Variants in PRKAR2A observed in about 807,000 individuals in gnomAD.
PRKAR2A encodes protein kinase cAMP-dependent type II regulatory subunit alpha, also known as cAMP-dependent protein kinase type II-alpha regulatory subunit.
PRKAR2A carries 29 observed loss-of-function variants against 51.9 expected under a neutral mutation model. The ratio of observed to expected loss-of-function variants is 0.56; its 90% confidence interval spans 0.42 to 0.76. PRKAR2A has a LOEUF of 0.76. Ranked by LOEUF, PRKAR2A falls within the 30% of genes least tolerant of loss-of-function variation. The probability of loss-of-function intolerance (pLI) is 0.00; values close to 1 mark genes in which losing one functional copy is unlikely to be tolerated. For synonymous variants in PRKAR2A, 178 were observed against 186.2 expected, an observed-to-expected ratio of 0.96 and a Z score of 0.36; for missense variants, 445 against 512.1, an observed-to-expected ratio of 0.87 and a Z score of 1.26.
chr3:48,813,680 C>G (rs546149558), intron 1 of PRKAR2A, among the ~76,000 whole-genome samples: 28 of 151,764 alleles, frequency 1.8e-4, no homozygotes. Flanking sequence ...GGCAACAGAG[C>G]GAGACTCCAT....
At chr3:48,830,492 T>C (rs1292325664) in intron 1 of PRKAR2A, among the ~76,000 whole-genome samples, 1 of 152,152 alleles carries the variant, frequency 6.6e-6, no homozygotes, top group Non-Finnish European at 1.5e-5. Context: ...TAAATAATGA[T>C]TAAAAGTACA....
chr3:48,806,403 C>T (rs188728863), intron 2 of PRKAR2A, among the ~76,000 whole-genome samples: 1 of 152,064 alleles, frequency 6.6e-6, no homozygotes, highest in East Asian at 1.9e-4. Flanking sequence ...AAGTCAAACA[C>T]TTTAAGAAAA....
chr3:48,760,258 G>A (rs1203017313), intron 8 of PRKAR2A, among the ~76,000 whole-genome samples: 2 of 152,176 alleles, frequency 1.3e-5, no homozygotes, highest in Non-Finnish European at 2.9e-5. Context: ...TCGGGAGGCT[G>A]AGGCAGAAGA....
chr3:48,799,895 T>A (rs1249793035), intron 2 of PRKAR2A, among the ~76,000 whole-genome samples: 1 of 152,190 alleles, frequency 6.6e-6, no homozygotes, highest in East Asian at 1.9e-4. Context: ...AGTCTCACTC[T>A]GTTGCCCAGG....
chr3:48,833,145 C>T (rs907959407), intron 1 of PRKAR2A, among the ~76,000 whole-genome samples: 1 of 152,192 alleles, frequency 6.6e-6, no homozygotes, highest in South Asian at 2.1e-4. Context: ...AAAGAATCCT[C>T]CTTCCTCAGC....
chr3:48,835,332 T>C (rs1197973076), intron 1 of PRKAR2A, among the ~76,000 whole-genome samples: 2 of 151,410 alleles, frequency 1.3e-5, no homozygotes, highest in Non-Finnish European at 2.9e-5. Flanking sequence ...CGAAACCCTA[T>C]CTCTACTGAA....
chr3:48,755,968 G>C (rs767252859), intron 9 of PRKAR2A, among the ~76,000 whole-genome samples: 26 of 151,822 alleles, frequency 1.7e-4, no homozygotes, highest in Non-Finnish European at 3.4e-4. Flanking sequence ...TTTCAGTAGA[G>C]ACAGGGTTTC....
At position 48,749,813 on chromosome 3, in the gene PRKAR2A, G is replaced by A. The variant is rs1261963463; in HGVS notation, c.*1772C>T. 6.6e-6 allele frequency: 1 copy of A among 152,018 alleles called. No homozygotes were observed. The highest frequency in any genetic ancestry group is 1.5e-5 in the Non-Finnish European group (1 of 68,006). The allele number at this position is 152,018 out of a possible 1,614,324, so 9.4% of individuals were successfully genotyped here. A position where few individuals can be genotyped will look rare whatever the true frequency, so the allele number is the denominator to read the frequency against. On this transcript the variant is annotated 3_prime_UTR_variant, in exon 11 of 11. Coordinates refer to ENST00000265563, the MANE Select transcript of PRKAR2A (RefSeq NM_004157.4). ...TTTTTGAAAACAGATTTGATCTTTA[G>A]GGTAAATGCCTGAGTCAGCTGACAA...
Position 48,779,587 on chromosome 3 carries a change from C to A in PRKAR2A, c.542+3399G>T, listed in dbSNP as rs925302919. On this transcript the variant is annotated intron_variant, in intron 5 of 10. Transcript: ENST00000265563. ...CTTGAGGTCAGGAGTTCAAGACCAG[C>A]CTGGCCAACACGGTGAAACCCCATC... 8.6e-5 allele frequency among the ~76,000 whole-genome samples: 13 copies of A among 151,268 alleles called. No individual in the cohort carries two copies. The Admixed American group carries it at 8.6e-4, about 10-fold the overall frequency.
chr3:48,822,968 A>G (rs546113334), intron 1 of PRKAR2A, among the ~76,000 whole-genome samples: 11 of 152,314 alleles, frequency 7.2e-5, no homozygotes, highest in Admixed American at 3.3e-4. Context: ...AATATTTTAA[A>G]CAATTATGAA....
intron 6 of PRKAR2A, among the ~76,000 whole-genome samples, chr3:48,768,336 G>A (rs1347456641): frequency 6.6e-6 from 1 of 151,246 alleles, no homozygotes; most frequent in Non-Finnish European, 1.5e-5. Context: ...TAGATAGATA[G>A]ATAGATATAG....
chr3:48,746,224 T>C (rs1362643225), downstream of PRKAR2A, among the ~76,000 whole-genome samples: 1 of 151,688 alleles, frequency 6.6e-6, no homozygotes, highest in African/African-American at 2.4e-5. Flanking sequence ...TTATAATAAA[T>C]CTTTAGGCTG....
chr3:48,782,771 A>C (rs2082221908), intron 5 of PRKAR2A, among the ~76,000 whole-genome samples: 1 of 152,112 alleles, frequency 6.6e-6, no homozygotes, highest in South Asian at 2.1e-4. Flanking sequence ...GAGACTTTCT[A>C]CTCTAAATGA....
In PRKAR2A at chr3:48,747,218, C is replaced by T. The variant is rs2081572848; in HGVS notation, c.*4367G>A. 1 of 152,168 alleles carries T rather than the reference C, an allele frequency of 6.6e-6. No homozygotes were observed. Among genetic ancestry groups the T allele is most frequent in the African/African-American group, 2.4e-5 (1 of 41,522 alleles). The allele number at this position is 152,168 out of a possible 1,614,324, so 9.4% of individuals were successfully genotyped here. On this transcript the variant is annotated 3_prime_UTR_variant, in exon 11 of 11. Coordinates refer to ENST00000265563, the MANE Select transcript of PRKAR2A (RefSeq NM_004157.4). ...AGTGAAAAACCAAAACAACTTGTATCTTGGCAAGATTGGTTTACAAGTTCA... is the reference window on the plus strand; with the variant it reads ...AGTGAAAAACCAAAACAACTTGTATTTTGGCAAGATTGGTTTACAAGTTCA...
intron 2 of PRKAR2A, among the ~76,000 whole-genome samples, chr3:48,794,713 G>A (rs73080361): frequency 0.06 from 9,110 of 151,904 alleles, 390 homozygotes; most frequent in Non-Finnish European, 0.088. Context: ...TGAAAAGAGG[G>A]TAAGTTGTGG....
intron 1 of PRKAR2A, among the ~76,000 whole-genome samples, chr3:48,819,627 A>G: frequency 6.6e-6 from 1 of 152,200 alleles, no homozygotes; most frequent in Non-Finnish European, 1.5e-5. Context: ...TTAGCAATAT[A>G]ATGTTTATTA....
intron 1 of PRKAR2A, among the ~76,000 whole-genome samples, chr3:48,819,941 CCTTGTG>C (rs2082934910): frequency 6.6e-6 from 1 of 152,188 alleles, no homozygotes; most frequent in Non-Finnish European, 1.5e-5. Context: ...GATGTGAAGT[CCTTGTG>C]GGACTTCACT....
intron 1 of PRKAR2A, among the ~76,000 whole-genome samples, chr3:48,837,750 G>A (rs1232057485): frequency 6.9e-6 from 1 of 144,846 alleles, no homozygotes; most frequent in Non-Finnish European, 1.5e-5. Context: ...CCAGACAACA[G>A]AATAGTATTT....
chr3:48,838,091 T>C (rs1021742336), intron 1 of PRKAR2A, among the ~76,000 whole-genome samples: 1 of 151,968 alleles, frequency 6.6e-6, no homozygotes, highest in Non-Finnish European at 1.5e-5. Context: ...GGCAGGAGAA[T>C]GGCGTGAACC....
Sources: gnomAD v4.1 joint callset for allele counts (sites outside exome capture counted in the v4.1 genomes callset) on GRCh38, gnomAD v4.1.1 for gene constraint, MANE v1.5 for transcripts, NCBI Gene and HGNC (gene_info 2026-07-23, HGNC 2026-07-21) for gene names.